TTC21B: variants seen among roughly 807,000 people sequenced by gnomAD.
TTC21B encodes the protein tetratricopeptide repeat protein 21B.
A neutral mutation model predicts 175.1 loss-of-function variants in TTC21B; 127 were observed. The observed-to-expected ratio is 0.73, with a 90% CI of 0.63 to 0.84. The LOEUF (loss-of-function observed/expected upper bound fraction) is 0.84. Ranked by LOEUF, TTC21B falls within the 40% of genes least tolerant of loss-of-function variation. The pLI is 0.00. For synonymous variants in TTC21B, 524 were observed against 524.5 expected (o/e 1.00, Z 0.01); for missense variants, 1,561 against 1,558.3 (o/e 1.00, Z -0.03).
At chr2:165,911,610 A>G (rs1473002746) in intron 17 of TTC21B, 145 bp from the exon 18 acceptor site, 3 of 822,094 alleles carry the variant, frequency 3.6e-6, no homozygotes, top group Non-Finnish European at 6.1e-6. Context: ...CTGTCAATTA[A>G]GTATGTCATA....
At chr2:165,935,200 T>C (rs759939000) in intron 6 of TTC21B, among the ~76,000 whole-genome samples, 11 of 152,210 alleles carry the variant, frequency 7.2e-5, no homozygotes, top group Non-Finnish European at 1.3e-4. Flanking sequence ...CCCAAAACAG[T>C]TACATATGGG....
intron 27 of TTC21B, chr2:165,879,806 GCA>G (rs768317342): frequency 6.6e-6 from 1 of 151,880 alleles, no homozygotes; most frequent in Non-Finnish European, 1.5e-5. Context: ...CTGTTCCAAA[GCA>G]CAGTTTGGGA....
intron 3 of TTC21B, 107 bp downstream of exon 3, chr2:165,949,287 A>G: frequency 1.2e-6 from 1 of 849,200 alleles, no homozygotes; most frequent in Non-Finnish European, 2.0e-6. Context: ...GTACCTACAG[A>G]AAATACATAA....
chr2:165,953,707 G>C lies in TTC21B; in HGVS notation c.-2C>G, dbSNP rs1400226085. Reference sequence around the variant, plus strand: ...CACCTTCAATTCCTGCGAGTCCATGGCTGCCCCGAGGCCGGGCCGCGGGGC... The same window carrying C: ...CACCTTCAATTCCTGCGAGTCCATGCCTGCCCCGAGGCCGGGCCGCGGGGC... On this transcript the variant is annotated 5_prime_UTR_variant, in exon 1 of 29. Coordinates refer to ENST00000243344, the MANE Select transcript of TTC21B (RefSeq NM_024753.5). The C allele has an allele frequency of 6.7e-7, 1 of 1,494,306 alleles. No homozygotes were observed. The highest frequency in any genetic ancestry group is 2.1e-5 in the Admixed American group (1 of 48,500). 92.6% of individuals were successfully genotyped at this position (1,494,306 alleles called of 1,614,324 possible).
In TTC21B at chr2:165,941,178, A is replaced by ATTT; in HGVS notation, c.558_559insAAA (p.Gln186_Cys187insLys). 6.2e-7 allele frequency: 1 copy of ATTT among 1,613,884 alleles called. No individual in the cohort carries two copies. Among genetic ancestry groups the ATTT allele is most frequent in the East Asian group, 2.2e-5 (1 of 44,862 alleles). Reference sequence around the variant, plus strand: ...GAATAATTCTGGCGCATCTCAAGGCATTGTGCCTAATGGAAGGGAAAAAAA... The same window carrying ATTT: ...GAATAATTCTGGCGCATCTCAAGGCATTTTTGTGCCTAATGGAAGGGAAAAAAA... On this transcript the variant is annotated inframe_insertion, in exon 6 of 29. Transcript: ENST00000243344.
chr2:165,937,310 C>T (rs933541179), intron 6 of TTC21B, among the ~76,000 whole-genome samples: 2 of 151,994 alleles, frequency 1.3e-5, no homozygotes, highest in Non-Finnish European at 2.9e-5. Flanking sequence ...AGCGGATACA[C>T]AATAAAGATA....
chr2:165,875,995 T>C (rs1684652961), intron 28 of TTC21B, among the ~76,000 whole-genome samples, 170 bp downstream of exon 28: 1 of 152,138 alleles, frequency 6.6e-6, no homozygotes, highest in Non-Finnish European at 1.5e-5. Context: ...TTTATTTAGG[T>C]GAACATCATT....
At chr2:165,886,731 C>G (rs1271201400) in intron 25 of TTC21B, among the ~76,000 whole-genome samples, 1 of 152,130 alleles carries the variant, frequency 6.6e-6, no homozygotes, top group Non-Finnish European at 1.5e-5. Flanking sequence ...TTAAACTTCA[C>G]AGTAGGGATA....
At chr2:165,923,147 C>T (rs1177093468) in intron 12 of TTC21B, among the ~76,000 whole-genome samples, 2 of 152,024 alleles carry the variant, frequency 1.3e-5, no homozygotes, top group Non-Finnish European at 2.9e-5. Flanking sequence ...GCACACTACT[C>T]ATGTGATGGA....
In TTC21B at chr2:165,914,680, T is replaced by TGTGTGTGTGTGTACGTGCGCGCGCGCGC. The variant is rs1553511355; in HGVS notation, c.2138+520_2138+521insGCGCGCGCGCGCACGTACACACACACAC. 1.2e-3 allele frequency among the ~76,000 whole-genome samples: 180 copies of TGTGTGTGTGTGTACGTGCGCGCGCGCGC among 144,230 alleles called. 3 individuals are homozygous for TGTGTGTGTGTGTACGTGCGCGCGCGCGC. Among genetic ancestry groups the TGTGTGTGTGTGTACGTGCGCGCGCGCGC allele is most frequent in the African/African-American group, 4.5e-3 (166 of 36,746 alleles). The allele number at this position is 144,230 out of a possible 152,430, so 94.6% of individuals were successfully genotyped here. On this transcript the variant is annotated intron_variant, in intron 15 of 28. Transcript: ENST00000243344. The stretch of plus-strand genomic sequence containing the variant: ...ATCTGTGTGTGTGTGTGTGTGTGTG[T>TGTGTGTGTGTGTACGTGCGCGCGCGCGC]GTGTGTGTGTGTGTGTGTTGTGTAT...
At chr2:165,878,552 G>A (rs969837610) in intron 27 of TTC21B, among the ~76,000 whole-genome samples, 5 of 146,694 alleles carry the variant, frequency 3.4e-5, no homozygotes, top group African/African-American at 1.3e-4. Context: ...ATATATGTGT[G>A]TGTGTGTATA....
intron 15 of TTC21B, among the ~76,000 whole-genome samples, chr2:165,914,680 T>TGTGTACGTGCGCGCGCGCGC (rs1553511337): frequency 1.4e-5 from 2 of 144,164 alleles, no homozygotes; most frequent in Non-Finnish European, 3.0e-5. Context: ...TGTGTGTGTG[T>TGTGTACGTGCGCGCGCGCGC]GTGTGTGTGT....
At chr2:165,945,134 T>A (rs1687503319) in intron 4 of TTC21B, among the ~76,000 whole-genome samples, 1 of 152,208 alleles carries the variant, frequency 6.6e-6, no homozygotes, top group Non-Finnish European at 1.5e-5. Flanking sequence ...GAAAGCAAAG[T>A]TTATGTATTA....
intron 3 of TTC21B, chr2:165,947,672 AAAGTTGTTGAAAG>A (rs1421596186): frequency 6.6e-6 from 1 of 152,194 alleles, no homozygotes; most frequent in African/African-American, 2.4e-5. Context: ...CCGTCTGCAC[AAAGTTGTTGAAAG>A]ATCGCAGCCT....
intron 11 of TTC21B, among the ~76,000 whole-genome samples, chr2:165,926,007 A>G (rs1686614714): frequency 6.6e-6 from 1 of 152,222 alleles, no homozygotes; most frequent in Non-Finnish European, 1.5e-5. Context: ...ATAGTTATGC[A>G]GACAATCTTT....
At chr2:165,933,241 G>C (rs1189155421) in intron 6 of TTC21B, among the ~76,000 whole-genome samples, 184 bp from the exon 7 acceptor site, 2 of 152,008 alleles carry the variant, frequency 1.3e-5, no homozygotes, top group Non-Finnish European at 2.9e-5. Flanking sequence ...AAAGTCTCTG[G>C]AGTTTAATTT....
Position 165,888,274 on chromosome 2 carries a change from C to A in TTC21B, c.3459+5G>T, listed in dbSNP as rs1380985852. On this transcript the variant is annotated splice_donor_5th_base_variant and intron_variant, in intron 25 of 28. Transcript: ENST00000243344. ...ACATGAAGCTGAAAAAGGAAATCCA[C>A]TAACCTCAGATGCTGCTATTTCAGT... 1 of 1,607,688 alleles carries A rather than the reference C, an allele frequency of 6.2e-7. No homozygotes were observed. The highest frequency in any genetic ancestry group is 1.1e-5 in the South Asian group (1 of 90,934).
intron 6 of TTC21B, 97 bp from the exon 7 acceptor site, chr2:165,933,154 T>C: frequency 1.1e-6 from 1 of 917,428 alleles, no homozygotes; most frequent in Non-Finnish European, 1.7e-6. Flanking sequence ...ACTATTCCAC[T>C]GTTCAAATAA....
At chr2:165,902,493 T>C (rs952914567) in intron 19 of TTC21B, among the ~76,000 whole-genome samples, 3 of 152,188 alleles carry the variant, frequency 2.0e-5, no homozygotes, top group Admixed American at 6.5e-5. Context: ...AAATGTTAGC[T>C]AACAATTGCT....
Sources: allele counts gnomAD v4.1 joint callset (sites outside exome capture counted in the v4.1 genomes callset), GRCh38; gene constraint gnomAD v4.1.1; transcripts MANE v1.5; gene names NCBI Gene and HGNC (gene_info 2026-07-23, HGNC 2026-07-21).